The following LAPTM4B variants were observed in gnomAD, a reference collection of about 807,000 sequenced individuals.
LAPTM4B encodes the protein lysosomal-associated transmembrane protein 4B.
A neutral mutation model predicts 28.5 loss-of-function variants in LAPTM4B; 26 were observed. The observed-to-expected ratio is 0.91, with a 90% CI of 0.67 to 1.27. The LOEUF is 1.27. LAPTM4B is among the 50% of genes most tolerant of loss of function. The pLI is 0.00. For synonymous variants in LAPTM4B, 109 were observed against 106.4 expected (o/e 1.02, Z -0.15); for missense variants, 288 against 285.8 (o/e 1.01, Z -0.06).
chr8:97,849,892 CGA>C (rs548756796), intron 6 of LAPTM4B, among the ~76,000 whole-genome samples: 1 of 148,320 alleles, frequency 6.7e-6, no homozygotes, highest in African/African-American at 2.6e-5. Flanking sequence ...GGGCCCAGTG[CGA>C]GCGGAGACAG....
At chr8:97,792,926 A>G (rs1186117492) in intron 1 of LAPTM4B, among the ~76,000 whole-genome samples, 2 of 152,198 alleles carry the variant, frequency 1.3e-5, no homozygotes, top group Admixed American at 6.5e-5. Context: ...TGTTTGTGCT[A>G]TAATTTTTCT....
In LAPTM4B at chr8:97,776,017, T is replaced by A; in HGVS notation, c.8T>A (p.Met3Lys). Residue 3 changes from methionine to lysine, a missense_variant, in exon 1 of 7, where the codon ATG becomes AAG. Physicochemically the swap from Met to Lys is moderately conservative, Grantham distance 95. Transcript: ENST00000521545. ...GCCACTGCGCCCGGAGCGATGAAGA[T>A]GGTCGCGCCCTGGACGCGGTTCTAC... Reference protein sequence around the residue: MKMVAPWTRFYSN... With the variant: MKKVAPWTRFYSN... The A allele has an allele frequency of 6.3e-7, 1 of 1,576,896 alleles. No individual in the cohort carries two copies. Among genetic ancestry groups the A allele is most frequent in the Non-Finnish European group, 8.6e-7 (1 of 1,166,256 alleles).
chr8:97,788,785 C>G (rs150003712), intron 1 of LAPTM4B, among the ~76,000 whole-genome samples: 4,848 of 151,566 alleles, frequency 0.032, 112 homozygotes, highest in South Asian at 0.079. Context: ...ACCTCCACCT[C>G]CCGGGTTCAA....
chr8:97,784,768 TG>T (rs1263988105), intron 1 of LAPTM4B, among the ~76,000 whole-genome samples: 1 of 152,130 alleles, frequency 6.6e-6, no homozygotes, highest in African/African-American at 2.4e-5. Context: ...TAGATTAAAA[TG>T]GCAGGCTGTT....
chr8:97,809,020 TA>T (rs1306505248), intron 2 of LAPTM4B, among the ~76,000 whole-genome samples: 1 of 151,366 alleles, frequency 6.6e-6, no homozygotes, highest in Non-Finnish European at 1.5e-5. Context: ...TTCAAATATA[TA>T]AAATAGGAGA....
chr8:97,776,560 G>C (rs115101125), intron 1 of LAPTM4B, among the ~76,000 whole-genome samples: 3,989 of 152,352 alleles, frequency 0.026, 153 homozygotes, highest in African/African-American at 0.089. Flanking sequence ...TGTGGTTAGG[G>C]TTGCGGATTT....
chr8:97,784,470 C>A (rs149531494), intron 1 of LAPTM4B, among the ~76,000 whole-genome samples: 122 of 152,278 alleles, frequency 8.0e-4, no homozygotes, highest in African/African-American at 2.4e-3. Flanking sequence ...GACGGAGTCT[C>A]GCTCTGTCAC....
At chr8:97,841,394 C>G (rs181399906) in intron 6 of LAPTM4B, among the ~76,000 whole-genome samples, 17 of 152,322 alleles carry the variant, frequency 1.1e-4, no homozygotes, top group African/African-American at 3.8e-4. Context: ...ATGGCACGAT[C>G]TTGGCTTACT....
intron 5 of LAPTM4B, among the ~76,000 whole-genome samples, chr8:97,823,344 G>GTTT (rs10561869): frequency 1.3e-3 from 137 of 108,070 alleles, no homozygotes; most frequent in Middle Eastern, 6.2e-3. Flanking sequence ...ATACAATATG[G>GTTT]TTTTTTTTTT....
At chr8:97,807,042 G>A (rs1256855045) in intron 2 of LAPTM4B, among the ~76,000 whole-genome samples, 1 of 152,148 alleles carries the variant, frequency 6.6e-6, no homozygotes, top group Non-Finnish European at 1.5e-5. Context: ...ATGTGGAACT[G>A]TAAGTCCAGT....
At chr8:97,823,511 A>G (rs182304196) in intron 5 of LAPTM4B, among the ~76,000 whole-genome samples, 4 of 151,410 alleles carry the variant, frequency 2.6e-5, no homozygotes, top group Admixed American at 2.0e-4. Flanking sequence ...CATAGCTGGG[A>G]TTACAGGCAT....
At chr8:97,834,004 T>G (rs1817223025) in intron 6 of LAPTM4B, among the ~76,000 whole-genome samples, 1 of 152,010 alleles carries the variant, frequency 6.6e-6, no homozygotes, top group Admixed American at 6.6e-5. Flanking sequence ...TGGTGACCAG[T>G]AAGGTTGTTT....
rs77720947 is a variant in LAPTM4B, at chr8:97,852,701, T to G, written c.*1227T>G. 1.5e-3 allele frequency: 168 copies of G among 108,588 alleles called. 1 individual carries two copies. The highest frequency in any genetic ancestry group is 9.9e-3 in the Middle Eastern group (3 of 302). 6.7% of individuals were successfully genotyped at this position (108,588 alleles called of 1,614,324 possible). ...TCAGCCTAAGGAGTAGGCTTTTTTT[T>G]GGGGGGGGGAGGTCGGGTGGGGGGG... On this transcript the variant is annotated 3_prime_UTR_variant, in exon 7 of 7. Coordinates refer to ENST00000521545, the MANE Select transcript of LAPTM4B (RefSeq NM_018407.6).
intron 2 of LAPTM4B, among the ~76,000 whole-genome samples, chr8:97,811,299 G>T (rs151190086): frequency 9.2e-5 from 14 of 152,252 alleles, no homozygotes; most frequent in Admixed American, 8.5e-4. Flanking sequence ...ATACCCTAGG[G>T]AAACAGGTGC....
At chr8:97,783,111 T>A (rs1238830085) in intron 1 of LAPTM4B, among the ~76,000 whole-genome samples, 1 of 149,496 alleles carries the variant, frequency 6.7e-6, no homozygotes, top group Non-Finnish European at 1.5e-5. Flanking sequence ...TGTTCAGTTA[T>A]TTTTTAGGAA....
chr8:97,813,398 T>C (rs1300710973), intron 2 of LAPTM4B, among the ~76,000 whole-genome samples: 1 of 152,258 alleles, frequency 6.6e-6, no homozygotes, highest in East Asian at 1.9e-4. Flanking sequence ...TCCTACCTGC[T>C]TTATTCTAGC....
At chr8:97,805,937 G>GGGAGGAA (rs1374456297) in intron 2 of LAPTM4B, among the ~76,000 whole-genome samples, 36 of 152,266 alleles carry the variant, frequency 2.4e-4, no homozygotes, top group Admixed American at 1.7e-3. Context: ...GGGGTAAGCA[G>GGGAGGAA]GGAGGAAGCT....
intron 6 of LAPTM4B, among the ~76,000 whole-genome samples, chr8:97,838,531 G>A (rs577321141): frequency 6.6e-6 from 1 of 152,308 alleles, no homozygotes; most frequent in South Asian, 2.1e-4. Context: ...GGAAACTGAG[G>A]CACCAAGAGG....
chr8:97,778,312 C>CTT (rs569574870), intron 1 of LAPTM4B, among the ~76,000 whole-genome samples: 51 of 143,988 alleles, frequency 3.5e-4, no homozygotes, highest in African/African-American at 1.2e-3. Context: ...TCTTTTCTTT[C>CTT]TTTTTTTTTT....
Sources: gnomAD v4.1 joint callset for allele counts (sites outside exome capture counted in the v4.1 genomes callset) on GRCh38, gnomAD v4.1.1 for gene constraint, MANE v1.5 for transcripts, NCBI Gene and HGNC (gene_info 2026-07-23, HGNC 2026-07-21) for gene names.